ICA1: variants seen among roughly 807,000 people sequenced by gnomAD.
ICA1 encodes the protein 69 kDa islet cell autoantigen.
In ICA1, 40 loss-of-function variants were observed where a neutral mutation model predicts 71.0. That is an observed-to-expected ratio of 0.56 (90% CI 0.44 to 0.73). ICA1 has a LOEUF of 0.73. Ranked by LOEUF, ICA1 falls within the 30% of genes least tolerant of loss-of-function variation. The pLI, the probability that ICA1 is intolerant of heterozygous loss-of-function variation, is 0.00. For missense variants in ICA1, 578 were observed against 576.5 expected (o/e 1.00, Z -0.03); for synonymous variants, 207 against 209.5 (o/e 0.99, Z 0.10).
intron 3 of ICA1, among the ~76,000 whole-genome samples, 195 bp from the exon 4 acceptor site, chr7:8,228,868 T>C (rs1799430042): frequency 6.6e-6 from 1 of 152,226 alleles, no homozygotes; most frequent in African/African-American, 2.4e-5. Context: ...TCTGTATTTA[T>C]TGGAATTCAT....
rs1281551651 is a variant in ICA1, at chr7:8,262,104, C to G, written c.-90G>C. 1 of 152,296 alleles carries G rather than the reference C, an allele frequency of 6.6e-6. No individual in the cohort carries two copies. Among genetic ancestry groups the G allele is most frequent in the East Asian group, 1.9e-4 (1 of 5,140 alleles). 9.4% of individuals were successfully genotyped at this position (152,296 alleles called of 1,614,324 possible). A position where few individuals can be genotyped will look rare whatever the true frequency, so the allele number is the denominator to read the frequency against. Reference sequence around the variant, plus strand: ...CCGGAGGGCAGGTACCTCGGAGCCCCGGCCCCCAGGAGCCTCCCGGCCGCG... The same window carrying G: ...CCGGAGGGCAGGTACCTCGGAGCCCGGGCCCCCAGGAGCCTCCCGGCCGCG... On this transcript the variant is annotated 5_prime_UTR_variant, in exon 1 of 14. Transcript: ENST00000402384.
intron 12 of ICA1, among the ~76,000 whole-genome samples, chr7:8,136,560 T>G (rs1162852304): frequency 6.6e-6 from 1 of 152,158 alleles, no homozygotes; most frequent in Non-Finnish European, 1.5e-5. Context: ...CGCTACCCTG[T>G]GGGTTGACAA....
chr7:8,209,316 T>C (rs1302568455), intron 6 of ICA1, among the ~76,000 whole-genome samples: 1 of 152,206 alleles, frequency 6.6e-6, no homozygotes, highest in African/African-American at 2.4e-5. Flanking sequence ...ATTTATAGTA[T>C]TACAAAACAT....
chr7:8,225,503 T>C (rs1798340878), intron 4 of ICA1, among the ~76,000 whole-genome samples: 1 of 152,164 alleles, frequency 6.6e-6, no homozygotes, highest in South Asian at 2.1e-4. Context: ...AATCCTAGAA[T>C]CAACCACTTC....
At position 8,254,050 on chromosome 7, in the gene ICA1, C is replaced by A. The variant is rs575497091; in HGVS notation, c.-80+8044G>T. ...TGTGATCAAGCAATTTGTTATGACT[C>A]CACAGAACCTCCTGGCTGAGAGTGA... On this transcript the variant is annotated intron_variant, in intron 1 of 13. Coordinates refer to ENST00000402384, the MANE Select transcript of ICA1 (RefSeq NM_001136020.3). Among the ~76,000 whole-genome samples the A allele has an allele frequency of 7.2e-5, 11 of 152,250 alleles. No homozygotes were observed. The East Asian group carries it at 2.1e-3, about 29-fold the overall frequency.
chr7:8,227,623 T>C lies in ICA1; in HGVS notation c.256+978A>G, dbSNP rs559692549. On this transcript the variant is annotated intron_variant, in intron 4 of 13. Transcript: ENST00000402384. ...TAGTTGTCTTTTTTTTTTTTTTTTTTCTAAGAGATCTCACCTTCTGTCGCC... is the reference window on the plus strand; with the variant it reads ...TAGTTGTCTTTTTTTTTTTTTTTTTCCTAAGAGATCTCACCTTCTGTCGCC... 9.1e-3 allele frequency: 3,476 copies of C among 381,048 alleles called. 7 individuals are homozygous for C. The highest frequency in any genetic ancestry group is 0.015 in the South Asian group (753 of 49,950). 23.6% of individuals were successfully genotyped at this position (381,048 alleles called of 1,614,324 possible).
intron 12 of ICA1, among the ~76,000 whole-genome samples, chr7:8,131,403 C>G (rs1226131547): frequency 6.6e-6 from 1 of 152,180 alleles, no homozygotes; most frequent in African/African-American, 2.4e-5. Context: ...TCCTATTCAA[C>G]TCAAACTTTT....
chr7:8,213,260 A>G (rs561737905), intron 6 of ICA1, among the ~76,000 whole-genome samples: 2 of 152,380 alleles, frequency 1.3e-5, no homozygotes, highest in South Asian at 2.1e-4. Flanking sequence ...TAGCAGAGGA[A>G]GAGCAGATAA....
chr7:8,230,940 G>A (rs1264483357), intron 3 of ICA1, among the ~76,000 whole-genome samples: 1 of 152,154 alleles, frequency 6.6e-6, no homozygotes, highest in Non-Finnish European at 1.5e-5. Context: ...CTGGGGATAC[G>A]TCGTGAATAG....
At chr7:8,118,190 C>T (rs1227704531) in intron 13 of ICA1, among the ~76,000 whole-genome samples, 2 of 152,304 alleles carry the variant, frequency 1.3e-5, no homozygotes, top group East Asian at 3.9e-4. Flanking sequence ...AGGCAAATGG[C>T]ACAAACCTCA....
At chr7:8,204,559 G>A (rs1039281838) in intron 6 of ICA1, among the ~76,000 whole-genome samples, 5 of 152,300 alleles carry the variant, frequency 3.3e-5, no homozygotes, top group African/African-American at 1.2e-4. Context: ...AAGGCAGAAT[G>A]TTAGGGAAAA....
intron 6 of ICA1, among the ~76,000 whole-genome samples, chr7:8,187,857 T>A (rs928990227): frequency 2.6e-5 from 4 of 152,248 alleles, no homozygotes; most frequent in African/African-American, 4.8e-5. Context: ...ATAGGAATTG[T>A]CAGCCCCATT....
At chr7:8,201,355 T>A (rs1789611569) in intron 6 of ICA1, among the ~76,000 whole-genome samples, 1 of 152,168 alleles carries the variant, frequency 6.6e-6, no homozygotes, top group African/African-American at 2.4e-5. Flanking sequence ...CACTTCGTAT[T>A]ATGGTGGTGG....
intron 6 of ICA1, among the ~76,000 whole-genome samples, chr7:8,192,582 C>T (rs544893498): frequency 1.5e-4 from 23 of 152,230 alleles, no homozygotes; most frequent in South Asian, 1.0e-3. Flanking sequence ...GTAAAGACAA[C>T]GTAAAGATCC....
In ICA1 at chr7:8,132,246, G is replaced by C. The variant is rs1183315316; in HGVS notation, c.1061-4104C>G. ...TGCCCTCCCCTCCTTCCTGAAGCCT[G>C]CTCTGTTCCCACCATTATTCAGATC... On this transcript the variant is annotated intron_variant, in intron 12 of 13. Coordinates refer to ENST00000402384, the MANE Select transcript of ICA1 (RefSeq NM_001136020.3). The surrounding 1 kb of genome is among the most constrained non-coding windows in gnomAD (Gnocchi z 4.5). Among the ~76,000 whole-genome samples the C allele has an allele frequency of 6.6e-6, 1 of 152,060 alleles. No homozygotes were observed.
intron 1 of ICA1, among the ~76,000 whole-genome samples, chr7:8,255,092 C>T (rs532731553): frequency 6.6e-6 from 1 of 152,348 alleles, no homozygotes; most frequent in Admixed American, 6.5e-5. Context: ...CTCCTACACT[C>T]TTACCCCTGC....
At chr7:8,137,438 A>G (rs1010324056) in intron 12 of ICA1, among the ~76,000 whole-genome samples, 4 of 152,166 alleles carry the variant, frequency 2.6e-5, no homozygotes, top group Non-Finnish European at 4.4e-5. Flanking sequence ...GGTGGTGGGT[A>G]CCTAGGTTTG....
intron 1 of ICA1, among the ~76,000 whole-genome samples, chr7:8,261,369 C>G (rs1029688593): frequency 6.6e-6 from 1 of 152,068 alleles, no homozygotes; most frequent in Non-Finnish European, 1.5e-5. Flanking sequence ...AGGATATGTT[C>G]GTTTCTAGAG....
At chr7:8,179,979 G>A (rs957833106) in intron 6 of ICA1, among the ~76,000 whole-genome samples, 13 of 151,408 alleles carry the variant, frequency 8.6e-5, no homozygotes, top group African/African-American at 2.7e-4. Flanking sequence ...CTATTCCCCC[G>A]TTCCTCTTCT....
Sources: allele counts gnomAD v4.1 joint callset (sites outside exome capture counted in the v4.1 genomes callset), GRCh38; gene constraint gnomAD v4.1.1; non-coding constraint Gnocchi (gnomAD v3.1); transcripts MANE v1.5; gene names NCBI Gene and HGNC (gene_info 2026-07-23, HGNC 2026-07-21).